Variants in EPHA3 observed in about 807,000 individuals in gnomAD.
EPHA3 encodes the protein EPH receptor A3, also known as ephrin type-A receptor 3.
In EPHA3, 42 loss-of-function variants were observed where a neutral mutation model predicts 107.1. The observed-to-expected ratio is 0.39, with a 90% CI of 0.31 to 0.51. The LOEUF (loss-of-function observed/expected upper bound fraction) is 0.51, where lower values mean the gene tolerates loss of function less well. Ranked by LOEUF, EPHA3 falls within the 20% of genes least tolerant of loss-of-function variation. EPHA3 has a pLI of 0.78. For missense variants in EPHA3, 1,183 were observed against 1,211.2 expected (o/e 0.98, Z 0.35); for synonymous variants, 461 against 424.8 (o/e 1.09, Z -1.05).
chr3:89,132,681 G>A (rs1704231381), intron 2 of EPHA3, among the ~76,000 whole-genome samples: 1 of 152,112 alleles, frequency 6.6e-6, no homozygotes, highest in Non-Finnish European at 1.5e-5. Context: ...ATCAGCCTGG[G>A]AAAACACAGT....
intron 5 of EPHA3, among the ~76,000 whole-genome samples, chr3:89,366,199 G>A (rs1296542738): frequency 1.3e-5 from 2 of 150,498 alleles, no homozygotes; most frequent in African/African-American, 4.8e-5. Flanking sequence ...ATCAGTTTAA[G>A]GGAATATTTA....
intron 3 of EPHA3, among the ~76,000 whole-genome samples, chr3:89,250,374 T>G (rs566980240): frequency 6.6e-6 from 1 of 152,350 alleles, no homozygotes; most frequent in South Asian, 2.1e-4. Flanking sequence ...TGTTTCAGGA[T>G]TTCAGTAATT....
At chr3:89,328,059 C>T (rs576231644) in intron 3 of EPHA3, among the ~76,000 whole-genome samples, 5 of 151,974 alleles carry the variant, frequency 3.3e-5, no homozygotes, top group East Asian at 1.9e-4. Context: ...GATCATGCCA[C>T]GGTACTCCAG....
chr3:89,243,314 C>T (rs1704952340), intron 3 of EPHA3, among the ~76,000 whole-genome samples: 1 of 152,182 alleles, frequency 6.6e-6, no homozygotes, highest in Non-Finnish European at 1.5e-5. Context: ...GTTCTAGATC[C>T]CTGAGGAATC....
chr3:89,208,718 T>A (rs1706189873), intron 2 of EPHA3, among the ~76,000 whole-genome samples: 1 of 152,096 alleles, frequency 6.6e-6, no homozygotes, highest in South Asian at 2.1e-4. Flanking sequence ...TTGACAATAA[T>A]ATAATATGTG....
At chr3:89,178,788 T>G (rs1187743272) in intron 2 of EPHA3, among the ~76,000 whole-genome samples, 3 of 151,918 alleles carry the variant, frequency 2.0e-5, no homozygotes, top group Non-Finnish European at 4.4e-5. Flanking sequence ...GAAATTTATA[T>G]TTTATTTTTA....
chr3:89,197,652 A>G lies in EPHA3; in HGVS notation c.154-12208A>G, dbSNP rs563772254. Reference sequence around the variant, plus strand: ...TATTCCAGTTTAGAAGGGCAAATTTATCTTAGAAAAAAGATAGCAGACTCA... The same window carrying G: ...TATTCCAGTTTAGAAGGGCAAATTTGTCTTAGAAAAAAGATAGCAGACTCA... On this transcript the variant is annotated intron_variant, in intron 2 of 16. Transcript: ENST00000336596. Among the ~76,000 whole-genome samples the G allele has an allele frequency of 2.4e-3, 362 of 152,324 alleles. 1 individual carries two copies. Among genetic ancestry groups the G allele is most frequent in the African/African-American group, 7.8e-3 (325 of 41,570 alleles).
At chr3:89,199,552 G>A (rs1319829104) in intron 2 of EPHA3, among the ~76,000 whole-genome samples, 1 of 152,012 alleles carries the variant, frequency 6.6e-6, no homozygotes, top group African/African-American at 2.4e-5. Context: ...CTTCTGGCTA[G>A]AAATTCTCTT....
intron 5 of EPHA3, among the ~76,000 whole-genome samples, chr3:89,376,932 C>T (rs1708414645): frequency 6.6e-6 from 1 of 152,064 alleles, no homozygotes; most frequent in African/African-American, 2.4e-5. Flanking sequence ...TGTTTTCTTT[C>T]TACAATCACT....
chr3:89,152,947 A>AT (rs1274597060), intron 2 of EPHA3, among the ~76,000 whole-genome samples: 2 of 152,058 alleles, frequency 1.3e-5, no homozygotes, highest in Non-Finnish European at 2.9e-5. Context: ...CTGTCTAATT[A>AT]TTTTTTGTCT....
chr3:89,210,333 G>A lies in EPHA3; in HGVS notation c.627G>A (p.Leu209=), dbSNP rs1313740007. Residue 209 remains leucine, a synonymous_variant, in exon 3 of 17, where the codon CTG becomes CTA. Transcript: ENST00000336596. ...AGTGCCCATTTACAGTGAAGAATCT[G>A]GCTATGTTTCCAGACACGGTACCCA... ...FKKCPFTVKN[L]AMFPDTVPMD... 5 of 1,613,572 alleles carry A rather than the reference G, an allele frequency of 3.1e-6. No individual in the cohort carries two copies. Among genetic ancestry groups the A allele is most frequent in the Non-Finnish European group, 4.2e-6 (5 of 1,179,778 alleles).
intron 3 of EPHA3, among the ~76,000 whole-genome samples, chr3:89,233,767 G>A (rs938814851): frequency 6.6e-6 from 1 of 152,166 alleles, no homozygotes; most frequent in African/African-American, 2.4e-5. Context: ...CAGCTGGAGT[G>A]TATGTTTTAC....
chr3:89,312,824 G>T (rs1335905128), intron 3 of EPHA3, among the ~76,000 whole-genome samples: 1 of 151,988 alleles, frequency 6.6e-6, no homozygotes, highest in East Asian at 1.9e-4. Context: ...TTATAAGTGA[G>T]AATATGCGGT....
intron 5 of EPHA3, among the ~76,000 whole-genome samples, chr3:89,378,999 G>A (rs115645095): frequency 0.016 from 2,430 of 152,222 alleles, 67 homozygotes; most frequent in African/African-American, 0.055. Context: ...ATGGCTAGCT[G>A]AAAAGTTACT....
chr3:89,271,855 T>A (rs182819270), intron 3 of EPHA3, among the ~76,000 whole-genome samples: 36 of 152,082 alleles, frequency 2.4e-4, no homozygotes, highest in African/African-American at 8.4e-4. Context: ...ACGGTTTCAC[T>A]TATACATAGA....
chr3:89,411,502 C>G (rs1332094393), intron 9 of EPHA3, among the ~76,000 whole-genome samples: 20 of 152,024 alleles, frequency 1.3e-4, no homozygotes, highest in Admixed American at 1.1e-3. Context: ...GTGTCAAAGT[C>G]ATGCAAATAA....
rs778739039 is a variant in EPHA3 at position 89,107,702 on chromosome 3, A to G, written c.-47A>G. The G allele has an allele frequency of 1.3e-6, 2 of 1,549,188 alleles. No homozygotes were observed. Among genetic ancestry groups the G allele is most frequent in the Non-Finnish European group, 1.8e-6 (2 of 1,121,734 alleles). On this transcript the variant is annotated 5_prime_UTR_variant, in exon 1 of 17. An upstream start codon of the reference 5' UTR is lost. Coordinates refer to ENST00000336596, the MANE Select transcript of EPHA3 (RefSeq NM_005233.6). Reference sequence around the variant, plus strand: ...GAGCGCTCCCCCTCACATCAGTGGCATGCTTCATGGAGATATGCTCCTCTC... The same window carrying G: ...GAGCGCTCCCCCTCACATCAGTGGCGTGCTTCATGGAGATATGCTCCTCTC...
chr3:89,470,262 T>C (rs957637808), intron 15 of EPHA3, among the ~76,000 whole-genome samples: 4 of 152,144 alleles, frequency 2.6e-5, no homozygotes, highest in Admixed American at 2.0e-4. Flanking sequence ...ATGTACATAA[T>C]ATTATATATG....
At chr3:89,388,115 G>C (rs1157869943) in intron 5 of EPHA3, among the ~76,000 whole-genome samples, 3 of 152,132 alleles carry the variant, frequency 2.0e-5, no homozygotes, top group African/African-American at 7.2e-5. Context: ...TAAGTTTATA[G>C]AGAGTAGTCT....
Sources: gnomAD v4.1 joint callset for allele counts (sites outside exome capture counted in the v4.1 genomes callset) on GRCh38, gnomAD v4.1.1 for gene constraint, MANE v1.5 for transcripts, NCBI Gene and HGNC (gene_info 2026-07-23, HGNC 2026-07-21) for gene names.